The following LSM7 variants were observed in gnomAD, a reference collection of about 807,000 sequenced individuals.
LSM7 encodes LSM7 homolog, U6 small nuclear RNA and mRNA degradation associated, also known as U6 snRNA-associated Sm-like protein LSm7.
A neutral mutation model predicts 14.1 loss-of-function variants in LSM7; 13 were observed. The observed-to-expected ratio is 0.92, with a 90% CI of 0.60 to 1.47. The LOEUF (loss-of-function observed/expected upper bound fraction) is 1.47. LSM7 is among the 40% of genes most tolerant of loss of function. The pLI is 0.00. For missense variants in LSM7, 108 were observed against 140.8 expected (o/e 0.77, Z 1.18); for synonymous variants, 70 against 57.1 (o/e 1.23, Z -1.02).
chr19:2,324,393 G>C (rs1015449510), intron 2 of LSM7, 197 bp from the exon 3 acceptor site: 7 of 573,716 alleles, frequency 1.2e-5, no homozygotes, highest in South Asian at 2.0e-5. Flanking sequence ...CCACGTCTGC[G>C]GGGGGCCAGA....
intron 3 of LSM7, among the ~76,000 whole-genome samples, chr19:2,323,641 G>A (rs981453476): frequency 2.0e-5 from 3 of 152,178 alleles, no homozygotes; most frequent in African/African-American, 7.2e-5. Context: ...TAGCGGAGAC[G>A]GGGTTTCACC....
In LSM7 at chr19:2,321,725, G is replaced by A; in HGVS notation, c.267C>T (p.Gly89=). ...TGAAGGGGTTGGGGATGGCCTCCAT[G>A]CCGTCCTGCGGGCAGATTAGCACCA... ...TSVVLICPQD[G]MEAIPNPFIQ... The change falls in exon 4 of 4, where the codon GGC becomes GGT. Residue 89 remains glycine, a synonymous_variant. Coordinates refer to ENST00000252622, the MANE Select transcript of LSM7 (RefSeq NM_016199.3). The surrounding 1 kb of genome is among the most constrained non-coding windows in gnomAD (Gnocchi z 5.0). 1.3e-6 allele frequency: 2 copies of A among 1,569,044 alleles called. No individual in the cohort carries two copies. The highest frequency in any genetic ancestry group is 1.4e-5 in the African/African-American group (1 of 73,760).
chr19:2,322,091 A>C (rs1314157819), intron 3 of LSM7, among the ~76,000 whole-genome samples: 1 of 152,172 alleles, frequency 6.6e-6, no homozygotes, highest in Non-Finnish European at 1.5e-5. Flanking sequence ...GGCCCAGGTG[A>C]TAGCCGGCTA....
At chr19:2,326,591 C>T (rs1384473264) in intron 2 of LSM7, among the ~76,000 whole-genome samples, 2 of 152,238 alleles carry the variant, frequency 1.3e-5, no homozygotes, top group Non-Finnish European at 2.9e-5. Context: ...CCGCCTCAGC[C>T]TCCCAAAGTG....
In LSM7 at chr19:2,324,034, C is replaced by G. The variant is rs996453310; in HGVS notation, c.169+91G>C. The G allele has an allele frequency of 4.8e-6, 4 of 833,900 alleles. No homozygotes were observed. In the African/African-American group the frequency reaches 5.1e-5, roughly 11 times the overall value. The allele number at this position is 833,900 out of a possible 1,614,324, so 51.7% of individuals were successfully genotyped here. A position where few individuals can be genotyped will look rare whatever the true frequency, so the allele number is the denominator to read the frequency against. Reference sequence around the variant, plus strand: ...CCAGCAGGGAGCCCCACGGCTGCCCCCCTCGTCCCACTGCCCCCCTCGTCC... The same window carrying G: ...CCAGCAGGGAGCCCCACGGCTGCCCGCCTCGTCCCACTGCCCCCCTCGTCC... On this transcript the variant is annotated intron_variant, in intron 3 of 3. Transcript: ENST00000252622.
At chr19:2,323,941 C>T (rs777015360) in intron 3 of LSM7, among the ~76,000 whole-genome samples, 184 bp downstream of exon 3, 38 of 152,306 alleles carry the variant, frequency 2.5e-4, no homozygotes, top group South Asian at 6.2e-4. Flanking sequence ...CGCTCAAGCC[C>T]GTCCATCGGC....
In LSM7 at chr19:2,321,734, C is replaced by A. The variant is rs771030699; in HGVS notation, c.258G>T (p.Pro86=). 2.5e-6 allele frequency: 4 copies of A among 1,569,786 alleles called. No homozygotes were observed. Among genetic ancestry groups the A allele is most frequent in the Non-Finnish European group, 8.6e-7 (1 of 1,159,414 alleles). ...CRGTSVVLIC[P]QDGMEAIPNP... The stretch of plus-strand genomic sequence containing the variant: ...TGGGGATGGCCTCCATGCCGTCCTG[C>A]GGGCAGATTAGCACCACGGACGTGC... Residue 86 remains proline (P), a synonymous_variant, in exon 4 of 4, where the codon CCG becomes CCT. Coordinates refer to ENST00000252622, the MANE Select transcript of LSM7 (RefSeq NM_016199.3). The surrounding 1 kb of genome is among the most constrained non-coding windows in gnomAD (Gnocchi z 5.0).
At chr19:2,325,418 C>G (rs559131880) in intron 2 of LSM7, among the ~76,000 whole-genome samples, 1 of 108,280 alleles carries the variant, frequency 9.2e-6, no homozygotes, top group African/African-American at 2.7e-5. Context: ...CTCCTTCTTA[C>G]CCCTGTCATC....
Position 2,321,688 on chromosome 19 carries a change from C to T in LSM7, c.304G>A (p.Asp102Asn). The T allele has an allele frequency of 6.5e-7, 1 of 1,544,850 alleles. No individual in the cohort carries two copies. The highest frequency in any genetic ancestry group is 1.7e-4 in the Middle Eastern group (1 of 5,726). ...AIPNPFIQQQ[D>N]A ...CCGCGCCCCCGGCCAGGCTAGGCGT[C>T]CTGCTGCTGGATGAAGGGGTTGGGG... Residue 102 changes from aspartate (D) to asparagine (N), a missense_variant, in exon 4 of 4, where the codon GAC (aspartate) becomes AAC (asparagine). Transcript: ENST00000252622. This position sits in a 1 kb window ranked among gnomAD's most constrained non-coding sequence, Gnocchi z 5.0.
Position 2,328,490 on chromosome 19 carries a change from C to T in LSM7, c.7-13G>A. The T allele has an allele frequency of 6.2e-7, 1 of 1,613,322 alleles. No individual in the cohort carries two copies. The highest frequency in any genetic ancestry group is 1.7e-5 in the Admixed American group (1 of 59,988). ...TCTTCTCCTTATCCTGCGGGGAAAG[C>T]AGAGCGCATGAGACCTGGAGCGCGG... On this transcript the variant is annotated splice_polypyrimidine_tract_variant and intron_variant, in intron 1 of 3. Coordinates refer to ENST00000252622, the MANE Select transcript of LSM7 (RefSeq NM_016199.3).
At chr19:2,326,766 G>A (rs540257447) in intron 2 of LSM7, among the ~76,000 whole-genome samples, 7 of 152,308 alleles carry the variant, frequency 4.6e-5, no homozygotes, top group South Asian at 2.1e-4. Context: ...CCCCGCACCC[G>A]GCCCCAAACC....
rs1371079272 is a variant in LSM7, at chr19:2,328,468, TCTC to T, written c.13_15del (p.Glu5del). 3.1e-6 allele frequency: 5 copies of T among 1,613,676 alleles called. No individual in the cohort carries two copies. The highest frequency in any genetic ancestry group is 4.2e-6 in the Non-Finnish European group (5 of 1,179,848). The stretch of plus-strand genomic sequence containing the variant: ...TCCAAGATGCTCTCCTTTTTCTTCT[TCTC>T]CTTATCCTGCGGGGAAAGCAGAGCG... On this transcript the variant is annotated inframe_deletion, in exon 2 of 4. Transcript: ENST00000252622.
intron 3 of LSM7, among the ~76,000 whole-genome samples, chr19:2,322,472 C>T (rs927475898): frequency 4.6e-5 from 7 of 152,094 alleles, no homozygotes; most frequent in Non-Finnish European, 7.4e-5. Context: ...ACCCAGGAGG[C>T]GGAGCTTGCA....
chr19:2,325,206 C>G (rs771516891), intron 2 of LSM7, among the ~76,000 whole-genome samples: 8 of 152,156 alleles, frequency 5.3e-5, no homozygotes, highest in Non-Finnish European at 1.2e-4. Flanking sequence ...CGGTGGTGAT[C>G]TCTGCCATCT....
In LSM7 at chr19:2,328,485, G is replaced by A. The variant is rs1287916928; in HGVS notation, c.7-8C>T. 1.9e-6 allele frequency: 3 copies of A among 1,613,630 alleles called. No homozygotes were observed. The highest frequency in any genetic ancestry group is 2.5e-6 in the Non-Finnish European group (3 of 1,179,768). On this transcript the variant is annotated splice_polypyrimidine_tract_variant and splice_region_variant and intron_variant, in intron 1 of 3. Coordinates refer to ENST00000252622, the MANE Select transcript of LSM7 (RefSeq NM_016199.3). ...TTTCTTCTTCTCCTTATCCTGCGGG[G>A]AAAGCAGAGCGCATGAGACCTGGAG... is the stretch of plus-strand genomic sequence containing the variant.
chr19:2,323,967 C>T (rs552596091), intron 3 of LSM7, among the ~76,000 whole-genome samples, 158 bp downstream of exon 3: 6 of 152,238 alleles, frequency 3.9e-5, no homozygotes, highest in South Asian at 2.1e-4. Context: ...CGAGGCTTCA[C>T]GTTGGTAACT....
At chr19:2,328,236 C>T (rs1280788303) in intron 2 of LSM7, 151 bp downstream of exon 2, 1 of 692,154 alleles carries the variant, frequency 1.4e-6, no homozygotes, top group Non-Finnish European at 2.4e-6. Context: ...CACCACTGCA[C>T]TCCAGCCCGG....
At chr19:2,323,614 C>CT (rs1363277039) in intron 3 of LSM7, among the ~76,000 whole-genome samples, 2 of 152,134 alleles carry the variant, frequency 1.3e-5, no homozygotes, top group Admixed American at 6.5e-5. Flanking sequence ...CCACACCCAG[C>CT]AATTTTTTTG....
At chr19:2,323,364 G>A (rs1468525370) in intron 3 of LSM7, among the ~76,000 whole-genome samples, 1 of 152,206 alleles carries the variant, frequency 6.6e-6, no homozygotes, top group Admixed American at 6.5e-5. Flanking sequence ...GCTCACGCCT[G>A]GAACCCCAGC....
Sources: allele counts gnomAD v4.1 joint callset (sites outside exome capture counted in the v4.1 genomes callset), GRCh38; gene constraint gnomAD v4.1.1; non-coding constraint Gnocchi (gnomAD v3.1); transcripts MANE v1.5; gene names NCBI Gene and HGNC (gene_info 2026-07-23, HGNC 2026-07-21).